ZNF195: variants seen among roughly 807,000 people sequenced by gnomAD.
The protein encoded by ZNF195 is hypoxia-regulated factor-1.
ZNF195 carries 11 observed loss-of-function variants against 19.5 expected under a neutral mutation model. That is an observed-to-expected ratio of 0.57 (90% CI 0.36 to 0.94). The LOEUF is 0.94. ZNF195 is among the 40% of genes least tolerant of loss of function. ZNF195 has a pLI of 0.01. For missense variants in ZNF195, 582 were observed against 709.0 expected (o/e 0.82, Z 2.03); for synonymous variants, 214 against 248.1 (o/e 0.86, Z 1.29).
Position 3,371,626 on chromosome 11 carries a change from A to T in ZNF195, c.81T>A (p.Asn27Lys). The T allele has an allele frequency of 6.2e-7, 1 of 1,614,134 alleles. No individual in the cohort carries two copies. The highest frequency in any genetic ancestry group is 8.5e-7 in the Non-Finnish European group (1 of 1,179,996). Reference protein sequence around the residue: ...EWKCLDLAQQNLYRDVMLENY... With the variant: ...EWKCLDLAQQKLYRDVMLENY... ...TCTCCAACATCACATCCCTGTACAA[A>T]TTCTGCTGAGCGAGGTCCAGGCATT... Residue 27 changes from asparagine to lysine, a missense_variant, in exon 2 of 6, where the codon AAT (asparagine) becomes AAA (lysine). By Grantham distance (94) the Asn-to-Lys change is moderately conservative. This residue lies in a region of ZNF195 where 46 missense variants were observed against 66.5 expected (regional missense o/e 0.69). Coordinates refer to ENST00000399602, the MANE Select transcript of ZNF195 (RefSeq NM_001130520.3).
At chr11:3,374,328 TAACAC>T (rs1335933431) in intron 1 of ZNF195, among the ~76,000 whole-genome samples, 5 of 152,186 alleles carry the variant, frequency 3.3e-5, no homozygotes, top group African/African-American at 1.2e-4. Flanking sequence ...TTGTGATCAT[TAACAC>T]TCAGCTAAAG....
intron 1 of ZNF195, among the ~76,000 whole-genome samples, chr11:3,378,443 C>T (rs1200104470): frequency 6.6e-6 from 1 of 152,028 alleles, no homozygotes; most frequent in African/African-American, 2.4e-5. Flanking sequence ...AAAATTCAGG[C>T]TTCGTCAACC....
chr11:3,371,100 C>T, intron 2 of ZNF195, 30 bp from the exon 3 acceptor site: 1 of 1,604,452 alleles, frequency 6.2e-7, no homozygotes, highest in South Asian at 1.1e-5. Context: ...TGACATTACT[C>T]TTGCTGAAAT....
In ZNF195 at chr11:3,358,368, A is replaced by G. The variant is rs936027348; in HGVS notation, c.*750T>C. 2 of 152,362 alleles carry G rather than the reference A, an allele frequency of 1.3e-5. No homozygotes were observed. The highest frequency in any genetic ancestry group is 4.8e-5 in the African/African-American group (2 of 41,578). 9.4% of individuals were successfully genotyped at this position (152,362 alleles called of 1,614,324 possible). The stretch of plus-strand genomic sequence containing the variant: ...TATCTCATAAATCACTTACAAGTAT[A>G]TAAAACAACCACAAAGAGCCTCTCT... On this transcript the variant is annotated 3_prime_UTR_variant, in exon 6 of 6. Transcript: ENST00000399602.
Position 3,371,680 on chromosome 11 carries a change from C to T in ZNF195, c.27G>A (p.Val9=), listed in dbSNP as rs373844739. The change falls in exon 2 of 6, where the codon GTG becomes GTA. Residue 9 remains valine (V), a synonymous_variant. Coordinates refer to ENST00000399602, the MANE Select transcript of ZNF195 (RefSeq NM_001130520.3). The stretch of plus-strand genomic sequence containing the variant: ...ACTCCTCCAGGGAGAATTCTATGGC[C>T]ACATCCCTGAACGTCAACAGAGTCT... MTLLTFRD[V]AIEFSLEEWK... 4 of 1,611,114 alleles carry T rather than the reference C, an allele frequency of 2.5e-6. No homozygotes were observed. The African/African-American group carries it at 4.0e-5, about 16-fold the overall frequency.
In ZNF195 at chr11:3,359,649, G is replaced by A; in HGVS notation, c.1359C>T (p.Leu453=). The A allele has an allele frequency of 6.2e-7, 1 of 1,613,966 alleles. No homozygotes were observed. The highest frequency in any genetic ancestry group is 8.5e-7 in the Non-Finnish European group (1 of 1,179,968). The change falls in exon 6 of 6, where the codon CTC becomes CTT. Residue 453 remains leucine (L), a synonymous_variant. Coordinates refer to ENST00000399602, the MANE Select transcript of ZNF195 (RefSeq NM_001130520.3). This position sits in a 1 kb window ranked among gnomAD's most constrained non-coding sequence, Gnocchi z 5.5. The stretch of plus-strand genomic sequence containing the variant: ...CGGTGTGAATCCTCCTGTGTTCACT[G>A]AGGTGTGAGGACTGTGTATAGGCTT... ...CGKAYTQSSH[L]SEHRRIHTGE...
In ZNF195 at chr11:3,379,062, G is replaced by A. The variant is rs756152591; in HGVS notation, c.-22C>T. 1.7e-5 allele frequency: 25 copies of A among 1,496,814 alleles called. No individual in the cohort carries two copies. Among genetic ancestry groups the A allele is most frequent in the Non-Finnish European group, 1.3e-5 (15 of 1,113,228 alleles). The allele number at this position is 1,496,814 out of a possible 1,614,324, so 92.7% of individuals were successfully genotyped here. On this transcript the variant is annotated 5_prime_UTR_variant, in exon 1 of 6. Transcript: ENST00000399602. ...CCATCTCCTGGCCTCCAGAGAGCCT[G>A]GCGTTTCACTTCTGGATCTCCCGGT...
chr11:3,359,359 T>C lies in ZNF195; in HGVS notation c.1649A>G (p.Tyr550Cys). 6.2e-7 allele frequency: 1 copy of C among 1,614,100 alleles called. No homozygotes were observed. Among genetic ancestry groups the C allele is most frequent in the Non-Finnish European group, 8.5e-7 (1 of 1,180,002 alleles). Reference protein sequence around the residue: ...HKRIHTGEKPYKCEECGRVFM... With the variant: ...HKRIHTGEKPCKCEECGRVFM... The stretch of plus-strand genomic sequence containing the variant: ...GACTCTGCCACATTCTTCACACTTG[T>C]AGGGTTTCTCTCCAGTATGAATTCT... Residue 550 changes from tyrosine to cysteine, a missense_variant, in exon 6 of 6, where the codon TAC (tyrosine) becomes TGC (cysteine). Around this residue, in one of 3 missense-constraint regions of ZNF195, gnomAD observed 407 missense variants for 530.5 expected, o/e 0.77. Coordinates refer to ENST00000399602, the MANE Select transcript of ZNF195 (RefSeq NM_001130520.3). The surrounding 1 kb of genome is among the most constrained non-coding windows in gnomAD (Gnocchi z 5.5).
At position 3,370,995 on chromosome 11, in the gene ZNF195, T is replaced by C; in HGVS notation, c.206A>G (p.Glu69Gly). ...CCCACCTGGATGTCCGTCTGCTGCCTCCTGTCTCTTCACATTCCAGGGCTC... is the reference window on the plus strand; with the variant it reads ...CCCACCTGGATGTCCGTCTGCTGCCCCCTGTCTCTTCACATTCCAGGGCTC... The part of the protein sequence containing the change: ...RKEPWNVKRQ[E>G]AADGHPEMGF... The change falls in exon 3 of 6, where the codon GAG becomes GGG. Residue 69 changes from glutamate to glycine, a missense_variant. Transcript: ENST00000399602. 6.2e-7 allele frequency: 1 copy of C among 1,614,128 alleles called. No individual in the cohort carries two copies. Among genetic ancestry groups the C allele is most frequent in the South Asian group, 1.1e-5 (1 of 91,080 alleles).
At chr11:3,374,115 T>C (rs1320813889) in intron 1 of ZNF195, among the ~76,000 whole-genome samples, 1 of 152,242 alleles carries the variant, frequency 6.6e-6, no homozygotes, top group African/African-American at 2.4e-5. Context: ...AGGGCCTTTT[T>C]TTGAGTTGTC....
At position 3,359,695 on chromosome 11, in the gene ZNF195, T is replaced by C. The variant is rs1848534138; in HGVS notation, c.1313A>G (p.Tyr438Cys). ...GGCTTTCCCACATTCGTCACATTTG[T>C]ATGGTTTCTCACCAGTGTGAATTCT... ...HKRIHTGEKPYKCDECGKAYT... is the reference protein window; with the variant it reads ...HKRIHTGEKPCKCDECGKAYT... The change falls in exon 6 of 6, where the codon TAC (tyrosine) becomes TGC (cysteine). Residue 438 changes from tyrosine to cysteine, a missense_variant. Physicochemically the swap from Tyr to Cys is radical, Grantham distance 194. Coordinates refer to ENST00000399602, the MANE Select transcript of ZNF195 (RefSeq NM_001130520.3). The surrounding 1 kb of genome is among the most constrained non-coding windows in gnomAD (Gnocchi z 5.5). The C allele has an allele frequency of 1.2e-6, 2 of 1,614,118 alleles. No homozygotes were observed. The highest frequency in any genetic ancestry group is 2.7e-5 in the African/African-American group (2 of 74,938).
Position 3,359,151 on chromosome 11 carries a change from TG to T in ZNF195, c.1856del (p.Ser619TyrfsTer3), listed in dbSNP as rs759607316. On this transcript the variant is annotated frameshift_variant, in exon 6 of 6. Transcript: ENST00000399602. LOFTEE classifies it low-confidence loss of function (END_TRUNC). The surrounding 1 kb of genome is among the most constrained non-coding windows in gnomAD (Gnocchi z 5.5). ...EKCGKAFTQF[S>X]HLTVHESIHT ...GAATGCTTTCATGTACAGTCAGGTG[TG>T]AGAACTGGGTGAAGGCTTTGCCACA... The T allele has an allele frequency of 2.3e-5, 37 of 1,598,316 alleles. No homozygotes were observed. Among genetic ancestry groups the T allele is most frequent in the Non-Finnish European group, 3.2e-5 (37 of 1,173,590 alleles).
At chr11:3,373,798 A>C (rs899646878) in intron 1 of ZNF195, 2 of 610,154 alleles carry the variant, frequency 3.3e-6, no homozygotes, top group Admixed American at 3.0e-5. Context: ...GGAACAGTAA[A>C]CTTCTACATG....
Position 3,360,397 on chromosome 11 carries a change from A to C in ZNF195, c.611T>G (p.Leu204Arg), listed in dbSNP as rs771369730. ...ECKLQKDYNG[L>R]NQCSSTTHSK... ...ATGGGTAGTTGATGAACATTGGTTA[A>C]GTCCATTATAATCTTTTTGCAACTT... Residue 204 changes from leucine (L) to arginine (R), a missense_variant, in exon 6 of 6, where the codon CTT (leucine) becomes CGT (arginine). By Grantham distance (102) the Leu-to-Arg change is moderately radical. Around this residue, in one of 3 missense-constraint regions of ZNF195, gnomAD observed 407 missense variants for 530.5 expected, o/e 0.77. Transcript: ENST00000399602. 6.2e-7 allele frequency: 1 copy of C among 1,611,820 alleles called. No homozygotes were observed. The highest frequency in any genetic ancestry group is 8.5e-7 in the Non-Finnish European group (1 of 1,179,340).
rs371443966 is a variant in ZNF195 at position 3,359,109 on chromosome 11, AT to A, written c.*8del. The A allele has an allele frequency of 7.8e-4, 1,187 of 1,530,794 alleles. 7 individuals carry two copies. In the African/African-American group the frequency reaches 0.014, roughly 18 times the overall value. The allele number at this position is 1,530,794 out of a possible 1,614,324, so 94.8% of individuals were successfully genotyped here. A position where few individuals can be genotyped will look rare whatever the true frequency, so the allele number is the denominator to read the frequency against. ...GCTTTGCCTATTTTTATATTTGTTT[AT>A]TTTTTTCTCAAGTATGAATGCTTTC... On this transcript the variant is annotated 3_prime_UTR_variant, in exon 6 of 6. Coordinates refer to ENST00000399602, the MANE Select transcript of ZNF195 (RefSeq NM_001130520.3). This position sits in a 1 kb window ranked among gnomAD's most constrained non-coding sequence, Gnocchi z 5.5.
Position 3,359,911 on chromosome 11 carries a change from C to G in ZNF195, c.1097G>C (p.Cys366Ser). 6.2e-7 allele frequency: 1 copy of G among 1,614,178 alleles called. No homozygotes were observed. Among genetic ancestry groups the G allele is most frequent in the South Asian group, 1.1e-5 (1 of 91,086 alleles). ...YEECSSVFIS[C>S]SSLSNQQMIL... ...CATCTGTTGATTAGAAAGGCTTGAG[C>G]AAGAGATAAAGACACTGCTGCACTC... Residue 366 changes from cysteine to serine, a missense_variant, in exon 6 of 6, where the codon TGC (cysteine) becomes TCC (serine). This residue lies in a region of ZNF195 where 407 missense variants were observed against 530.5 expected (regional missense o/e 0.77). Coordinates refer to ENST00000399602, the MANE Select transcript of ZNF195 (RefSeq NM_001130520.3). This position sits in a 1 kb window ranked among gnomAD's most constrained non-coding sequence, Gnocchi z 5.5.
chr11:3,373,143 G>A (rs1263770721), intron 1 of ZNF195, among the ~76,000 whole-genome samples: 5 of 152,194 alleles, frequency 3.3e-5, no homozygotes, highest in Non-Finnish European at 7.3e-5. Context: ...AGAGATAAAT[G>A]TCATCTGGTT....
chr11:3,359,578 G>A lies in ZNF195; in HGVS notation c.1430C>T (p.Thr477Ile), dbSNP rs1848529235. 2 of 1,613,822 alleles carry A rather than the reference G, an allele frequency of 1.2e-6. No homozygotes were observed. The highest frequency in any genetic ancestry group is 1.7e-6 in the Non-Finnish European group (2 of 1,179,982). The change falls in exon 6 of 6, where the codon ACT (threonine) becomes ATT (isoleucine). Residue 477 changes from threonine (T) to isoleucine (I), a missense_variant. Physicochemically the swap from Thr to Ile is moderately conservative, Grantham distance 89. Coordinates refer to ENST00000399602, the MANE Select transcript of ZNF195 (RefSeq NM_001130520.3). The surrounding 1 kb of genome is among the most constrained non-coding windows in gnomAD (Gnocchi z 5.5). ...CTTATGGTTAGAAAGGCTTGAGCAA[G>A]TTCTGAAGACCTTCCCACATTCTTC... ...QCEECGKVFR[T>I]CSSLSNHKRT...
intron 3 of ZNF195, chr11:3,368,814 G>C (rs1849033842): frequency 2.2e-6 from 1 of 454,712 alleles, no homozygotes. Flanking sequence ...AGTTCACGAA[G>C]AAGATACAAT....
Sources: gnomAD v4.1 joint callset for allele counts (sites outside exome capture counted in the v4.1 genomes callset) on GRCh38, gnomAD v4.1.1 for gene constraint, gnomAD v4.1.1 regional missense constraint, Gnocchi (gnomAD v3.1) non-coding constraint, MANE v1.5 for transcripts, NCBI Gene and HGNC (gene_info 2026-07-23, HGNC 2026-07-21) for gene names.